Variants in CCDC102B observed in about 807,000 individuals in gnomAD.
CCDC102B encodes coiled-coil domain containing 102B.
Under a neutral mutation model 57.4 loss-of-function variants are expected in CCDC102B, and 75 were observed. That is an observed-to-expected ratio of 1.31 (90% confidence interval 1.08 to 1.58). The LOEUF is 1.58. Among genes scored for constraint, CCDC102B ranks in the 40% most tolerant of loss-of-function variants. The pLI, the probability that CCDC102B is intolerant of heterozygous loss-of-function variation, is 0.00. For synonymous variants in CCDC102B, 206 were observed against 201.9 expected, an observed-to-expected ratio of 1.02 and a Z score of -0.17; for missense variants, 636 against 582.6, an observed-to-expected ratio of 1.09 and a Z score of -0.94.
intron 4 of CCDC102B, among the ~76,000 whole-genome samples, chr18:68,864,896 C>G (rs2144894336): frequency 6.6e-6 from 1 of 152,134 alleles, no homozygotes; most frequent in Middle Eastern, 3.4e-3. Flanking sequence ...TCCAAAAATG[C>G]CTGGCTCTGC....
At chr18:68,836,659 TCAAAA>T in intron 1 of CCDC102B, 85 bp from the exon 2 acceptor site, 1 of 858,986 alleles carries the variant, frequency 1.2e-6, no homozygotes, top group Non-Finnish European at 1.6e-6. Flanking sequence ...TCATCAATTT[TCAAAA>T]AAAAAAAAAA....
chr18:68,922,705 G>A (rs1194524395), intron 6 of CCDC102B, among the ~76,000 whole-genome samples: 1 of 151,986 alleles, frequency 6.6e-6, no homozygotes, highest in Non-Finnish European at 1.5e-5. Flanking sequence ...TCTCTCCCAG[G>A]TTGCTACTCT....
At position 68,959,637 on chromosome 18, in the gene CCDC102B, A is replaced by T. The variant is rs139624300; in HGVS notation, c.1264-51297A>T. Among the ~76,000 whole-genome samples, 1,075 of 152,126 alleles carry T rather than the reference A, an allele frequency of 7.1e-3. 13 individuals carry two copies. Among genetic ancestry groups the T allele is most frequent in the African/African-American group, 0.024 (998 of 41,516 alleles). ...AGCAGGTCTAGAGATGCTCTCCGGA[A>T]GCCAGGGGCAGCCAGTAATCTACTT... On this transcript the variant is annotated intron_variant, in intron 6 of 7. Transcript: ENST00000360242.
At chr18:68,869,607 G>A (rs72951220) in intron 4 of CCDC102B, among the ~76,000 whole-genome samples, 1 of 152,182 alleles carries the variant, frequency 6.6e-6, no homozygotes, top group African/African-American at 2.4e-5. Flanking sequence ...GTTCGTTATA[G>A]ATTCTGGATA....
At chr18:68,974,097 G>C (rs780518585) in intron 6 of CCDC102B, among the ~76,000 whole-genome samples, 44 of 152,078 alleles carry the variant, frequency 2.9e-4, no homozygotes, top group Non-Finnish European at 5.6e-4. Context: ...ACTTTCTCTG[G>C]TCGAAGTCCT....
At chr18:68,903,550 T>C (rs995964348) in intron 6 of CCDC102B, among the ~76,000 whole-genome samples, 27 of 152,332 alleles carry the variant, frequency 1.8e-4, no homozygotes, top group Middle Eastern at 6.8e-3. Context: ...GTATCTATAG[T>C]GTAAATACTG....
chr18:68,959,732 C>T (rs932354775), intron 6 of CCDC102B, among the ~76,000 whole-genome samples: 4 of 152,042 alleles, frequency 2.6e-5, no homozygotes, highest in Admixed American at 2.0e-4. Context: ...CTCTTTGCTC[C>T]CTTTTTCTCA....
At chr18:69,012,294 T>C (rs1168374054) in intron 7 of CCDC102B, among the ~76,000 whole-genome samples, 2 of 152,146 alleles carry the variant, frequency 1.3e-5, no homozygotes, top group African/African-American at 4.8e-5. Context: ...GTGGTGATGA[T>C]GGTGAATAAA....
At chr18:68,978,442 T>C (rs1419091070) in intron 6 of CCDC102B, among the ~76,000 whole-genome samples, 6 of 151,910 alleles carry the variant, frequency 3.9e-5, no homozygotes. Flanking sequence ...AATATGGAAA[T>C]GAAAGAATGG....
At position 68,813,774 on chromosome 18, in the gene CCDC102B, T is replaced by TTATATATATA. The variant is rs142225933; in HGVS notation, c.-16+15603_-16+15612dup. On this transcript the variant is annotated intron_variant, in intron 1 of 7. Coordinates refer to ENST00000360242, the MANE Select transcript of CCDC102B (RefSeq NM_024781.3). ...GATGAAGTCATATTAAAATATAATT[T>TTATATATATA]TATATATATATATATATATCTTTAG... Among the ~76,000 whole-genome samples, 1,254 of 145,938 alleles carry TTATATATATA rather than the reference T, an allele frequency of 8.6e-3. 10 individuals carry two copies. Among genetic ancestry groups the TTATATATATA allele is most frequent in the East Asian group, 0.031 (154 of 4,956 alleles).
intron 2 of CCDC102B, among the ~76,000 whole-genome samples, chr18:68,789,951 C>G (rs1371187184): frequency 7.9e-5 from 12 of 151,660 alleles, no homozygotes; most frequent in Non-Finnish European, 1.5e-4. Context: ...TTTTCCCCAT[C>G]TTTGTGGTTT....
downstream of CCDC102B, among the ~76,000 whole-genome samples, chr18:69,056,035 C>G (rs2052809782): frequency 2.0e-5 from 3 of 152,048 alleles, no homozygotes; most frequent in South Asian, 6.2e-4. Context: ...CTAGATGTAT[C>G]AGGCATATTA....
intron 6 of CCDC102B, among the ~76,000 whole-genome samples, chr18:68,917,613 A>G (rs878871899): frequency 1.3e-5 from 2 of 152,132 alleles, no homozygotes; most frequent in African/African-American, 4.8e-5. Context: ...GTGTCCATCA[A>G]TTCTGGTTAT....
intron 6 of CCDC102B, among the ~76,000 whole-genome samples, chr18:68,936,293 T>C (rs2049235050): frequency 6.6e-6 from 1 of 152,030 alleles, no homozygotes; most frequent in Admixed American, 6.6e-5. Flanking sequence ...CTGTCACATT[T>C]TGATACAAAA....
intron 7 of CCDC102B, among the ~76,000 whole-genome samples, chr18:69,022,505 T>A (rs763816160): frequency 3.3e-5 from 5 of 152,132 alleles, no homozygotes; most frequent in East Asian, 1.9e-4. Context: ...TTAGAAAAAA[T>A]TTGCAACTAC....
chr18:69,000,418 A>G (rs1162534213), intron 6 of CCDC102B, among the ~76,000 whole-genome samples: 1 of 152,178 alleles, frequency 6.6e-6, no homozygotes, highest in Non-Finnish European at 1.5e-5. Flanking sequence ...CTAACCTAGA[A>G]TAGCCTATTT....
chr18:68,825,497 A>C (rs7242164), intron 1 of CCDC102B, among the ~76,000 whole-genome samples: 1 of 152,072 alleles, frequency 6.6e-6, no homozygotes, highest in Non-Finnish European at 1.5e-5. Context: ...GGAGACCAGC[A>C]TGGCCAACAT....
At chr18:68,789,977 T>C (rs1469562497) in intron 2 of CCDC102B, among the ~76,000 whole-genome samples, 1 of 151,178 alleles carries the variant, frequency 6.6e-6, no homozygotes, top group Non-Finnish European at 1.5e-5. Context: ...ACTTTTGGTC[T>C]TTGATGATGG....
intron 2 of CCDC102B, among the ~76,000 whole-genome samples, chr18:68,790,689 C>T (rs927682609): frequency 6.6e-6 from 1 of 152,192 alleles, no homozygotes; most frequent in South Asian, 2.1e-4. Flanking sequence ...TGCTTCGGCT[C>T]GTGCACGGTG....
Sources: allele counts gnomAD v4.1 joint callset (sites outside exome capture counted in the v4.1 genomes callset), GRCh38; gene constraint gnomAD v4.1.1; transcripts MANE v1.5; gene names NCBI Gene and HGNC (gene_info 2026-07-23, HGNC 2026-07-21).